The following TRHDE variants were observed in gnomAD, a reference collection of about 807,000 sequenced individuals.
The protein encoded by TRHDE is thyrotropin-releasing hormone-degrading ectoenzyme.
Under a neutral mutation model 125.7 loss-of-function variants are expected in TRHDE, and 72 were observed. That is an observed-to-expected ratio of 0.57 (90% confidence interval 0.47 to 0.70). The LOEUF is 0.70. Among genes scored for constraint, TRHDE ranks in the 30% least tolerant of loss-of-function variants. The pLI, the probability that TRHDE is intolerant of heterozygous loss-of-function variation, is 0.00. For missense variants in TRHDE, 1,110 were observed against 1,327.1 expected, an observed-to-expected ratio of 0.84 and a Z score of 2.54; for synonymous variants, 509 against 509.1, an observed-to-expected ratio of 1.00 and a Z score of 0.00.
At chr12:72,149,742 C>T (rs1876313616) in intron 2 of TRHDE, among the ~76,000 whole-genome samples, 1 of 152,060 alleles carries the variant, frequency 6.6e-6, no homozygotes, top group Non-Finnish European at 1.5e-5. Context: ...TGGTAAATAT[C>T]TTATCCAACA....
intron 2 of TRHDE, among the ~76,000 whole-genome samples, chr12:72,250,573 G>A (rs1334655972): frequency 1.3e-5 from 2 of 151,936 alleles, no homozygotes; most frequent in African/African-American, 4.8e-5. Flanking sequence ...TAGTCAAAAG[G>A]CAACTTAAAA....
In TRHDE at chr12:72,373,303, G is replaced by T. The variant is rs12368205; in HGVS notation, c.1189-4692G>T. Among the ~76,000 whole-genome samples, 3 of 152,092 alleles carry T rather than the reference G, an allele frequency of 2.0e-5. No individual in the cohort carries two copies. The East Asian group carries it at 5.8e-4, about 29-fold the overall frequency. The stretch of plus-strand genomic sequence containing the variant: ...AGGAGATTTCGGGCTGAGACAGTGG[G>T]GTTTTCTAGATATACAATTATGTCA... On this transcript the variant is annotated intron_variant, in intron 2 of 18. Coordinates refer to ENST00000261180, the MANE Select transcript of TRHDE (RefSeq NM_013381.3).
At chr12:72,614,246 C>T (rs746186049) in intron 12 of TRHDE, among the ~76,000 whole-genome samples, 22 of 150,764 alleles carry the variant, frequency 1.5e-4, no homozygotes, top group Non-Finnish European at 2.8e-4. Context: ...TATGGGGCTA[C>T]AAATCAGTAA....
At chr12:72,540,662 T>C (rs1869101220) in intron 6 of TRHDE, among the ~76,000 whole-genome samples, 1 of 151,562 alleles carries the variant, frequency 6.6e-6, no homozygotes, top group South Asian at 2.1e-4. Context: ...GGGAAATATA[T>C]AGGAGGAGAG....
chr12:72,556,117 A>G (rs1025501761), intron 7 of TRHDE, among the ~76,000 whole-genome samples: 4 of 152,194 alleles, frequency 2.6e-5, no homozygotes, highest in Non-Finnish European at 5.9e-5. Context: ...TGTTCATAAG[A>G]ACAACAAAAG....
chr12:72,381,169 C>A (rs1226360546), intron 3 of TRHDE, among the ~76,000 whole-genome samples: 2 of 152,082 alleles, frequency 1.3e-5, no homozygotes, highest in Non-Finnish European at 2.9e-5. Flanking sequence ...AACCATCCTA[C>A]AATGCACAGA....
intron 3 of TRHDE, among the ~76,000 whole-genome samples, chr12:72,412,334 C>T (rs904020651): frequency 2.0e-5 from 3 of 151,998 alleles, no homozygotes; most frequent in Admixed American, 6.5e-5. Flanking sequence ...AAAAAGATAA[C>T]CAATTTTATT....
chr12:72,231,008 G>T (rs1878235776), intron 2 of TRHDE, among the ~76,000 whole-genome samples: 1 of 152,088 alleles, frequency 6.6e-6, no homozygotes, highest in South Asian at 2.1e-4. Context: ...TAACAAAAAT[G>T]ATGTTGTCAT....
chr12:72,553,470 G>C (rs1172822061), intron 7 of TRHDE, among the ~76,000 whole-genome samples: 1 of 152,096 alleles, frequency 6.6e-6, no homozygotes, highest in African/African-American at 2.4e-5. Context: ...TAAGATTAGT[G>C]TCTTTATTGC....
Position 72,442,803 on chromosome 12 carries a change from G to C in TRHDE, c.1316-26955G>C, listed in dbSNP as rs1045684951. 2.6e-5 allele frequency among the ~76,000 whole-genome samples: 4 copies of C among 151,780 alleles called. No homozygotes were observed. The East Asian group carries it at 5.8e-4, about 22-fold the overall frequency. On this transcript the variant is annotated intron_variant, in intron 3 of 18. Coordinates refer to ENST00000261180, the MANE Select transcript of TRHDE (RefSeq NM_013381.3). ...TAAACAATAAGGAGAGGATTTTTAG[G>C]TTCCTTCACCTTGCTGCCTTCATAT...
intron 2 of TRHDE, among the ~76,000 whole-genome samples, chr12:72,245,184 C>T (rs927760197): frequency 6.6e-6 from 1 of 151,716 alleles, no homozygotes; most frequent in African/African-American, 2.4e-5. Context: ...CCTGACTTAC[C>T]ATACCCATGG....
intron 2 of TRHDE, among the ~76,000 whole-genome samples, chr12:72,364,490 T>C (rs1871261663): frequency 6.6e-6 from 1 of 152,026 alleles, no homozygotes; most frequent in East Asian, 1.9e-4. Flanking sequence ...CTTTCCATAG[T>C]AGGGATTTCT....
Position 72,398,510 on chromosome 12 carries a change from A to G in TRHDE, c.1315+20389A>G, listed in dbSNP as rs1459425836. Among the ~76,000 whole-genome samples, 4 of 152,228 alleles carry G rather than the reference A, an allele frequency of 2.6e-5. No homozygotes were observed. In the East Asian group the frequency reaches 7.7e-4, roughly 29 times the overall value. On this transcript the variant is annotated intron_variant, in intron 3 of 18. Transcript: ENST00000261180. ...ATTCAATTGAAAGTTTCATGAGGAC[A>G]AGAATTTTATCACGATATTCTTAAT...
chr12:72,460,127 TAAAA>T (rs1177598155), intron 3 of TRHDE, among the ~76,000 whole-genome samples: 1 of 152,174 alleles, frequency 6.6e-6, no homozygotes, highest in East Asian at 1.9e-4. Context: ...AAACCGTCCT[TAAAA>T]AGAAAGTGTG....
At chr12:72,137,004 A>G (rs540013251) in intron 2 of TRHDE, among the ~76,000 whole-genome samples, 3 of 152,338 alleles carry the variant, frequency 2.0e-5, no homozygotes, top group Admixed American at 6.5e-5. Context: ...GTGACATCAT[A>G]GGGCAACATC....
chr12:72,550,580 A>G (rs757420598), intron 7 of TRHDE, among the ~76,000 whole-genome samples: 4 of 151,958 alleles, frequency 2.6e-5, no homozygotes, highest in African/African-American at 4.8e-5. Context: ...TGATTCTGTT[A>G]CATAGCTTAG....
Position 72,621,761 on chromosome 12 carries a change from G to A in TRHDE, c.2675+10G>A. The A allele has an allele frequency of 1.3e-6, 2 of 1,570,052 alleles. No individual in the cohort carries two copies. The highest frequency in any genetic ancestry group is 1.7e-4 in the Middle Eastern group (1 of 5,908). ...CCAGCAACAGGAACAGGTAAACTGA[G>A]CCAAATCCTGTATTTCTGATATTAT... On this transcript the variant is annotated intron_variant, in intron 15 of 18. Transcript: ENST00000261180.
intron 2 of TRHDE, among the ~76,000 whole-genome samples, chr12:72,339,667 A>G (rs139208466): frequency 3.7e-4 from 56 of 152,258 alleles, no homozygotes; most frequent in Non-Finnish European, 7.1e-4. Flanking sequence ...TTGATTATCC[A>G]TCAATGTGTT....
At position 72,372,282 on chromosome 12, in the gene TRHDE, A is replaced by G. The variant is rs866304818; in HGVS notation, c.1189-5713A>G. On this transcript the variant is annotated intron_variant, in intron 2 of 18. Coordinates refer to ENST00000261180, the MANE Select transcript of TRHDE (RefSeq NM_013381.3). Reference sequence around the variant, plus strand: ...TTTGTTTGAGTTCATTGTAGATTCTAGATATTAGCCCTTTGTCAGATGAGT... The same window carrying G: ...TTTGTTTGAGTTCATTGTAGATTCTGGATATTAGCCCTTTGTCAGATGAGT... 3.3e-5 allele frequency among the ~76,000 whole-genome samples: 5 copies of G among 151,780 alleles called. No individual in the cohort carries two copies. In the East Asian group the frequency reaches 5.8e-4, roughly 18 times the overall value.
Sources: allele counts gnomAD v4.1 joint callset (sites outside exome capture counted in the v4.1 genomes callset), GRCh38; gene constraint gnomAD v4.1.1; transcripts MANE v1.5; gene names NCBI Gene and HGNC (gene_info 2026-07-23, HGNC 2026-07-21).